Variants in SLC25A31 observed in about 807,000 individuals in gnomAD.
SLC25A31 encodes ADP/ATP translocase 4.
In SLC25A31, 40 loss-of-function variants were observed where a neutral mutation model predicts 36.2. The ratio of observed to expected loss-of-function variants is 1.10; its 90% CI spans 0.86 to 1.44. The LOEUF is 1.44. SLC25A31 is among the 40% of genes most tolerant of loss of function. SLC25A31 has a pLI of 0.00. For missense variants in SLC25A31, 350 were observed against 397.1 expected (o/e 0.88, Z 1.01); for synonymous variants, 143 against 149.7 (o/e 0.96, Z 0.32).
At chr4:127,771,528 A>G (rs541307335) in intron 5 of SLC25A31, among the ~76,000 whole-genome samples, 2 of 152,220 alleles carry the variant, frequency 1.3e-5, no homozygotes, top group Non-Finnish European at 2.9e-5. Flanking sequence ...TATTTACATG[A>G]ACAGGCATAT....
At chr4:127,731,428 C>T (rs908906154) in intron 1 of SLC25A31, among the ~76,000 whole-genome samples, 6 of 151,886 alleles carry the variant, frequency 4.0e-5, no homozygotes, top group African/African-American at 1.5e-4. Context: ...TAAGGCCAGG[C>T]GCGGTGGCTC....
At chr4:127,757,348 C>T (rs1352937492) in intron 2 of SLC25A31, among the ~76,000 whole-genome samples, 1 of 152,108 alleles carries the variant, frequency 6.6e-6, no homozygotes, top group African/African-American at 2.4e-5. Flanking sequence ...CACACGTACC[C>T]TCTGTTTAGT....
At chr4:127,743,847 G>C (rs1044960416) in intron 1 of SLC25A31, among the ~76,000 whole-genome samples, 2 of 152,040 alleles carry the variant, frequency 1.3e-5, no homozygotes, top group African/African-American at 4.8e-5. Flanking sequence ...ATTTTCTTTT[G>C]AATCTTTATT....
chr4:127,735,382 A>G (rs978392216), intron 1 of SLC25A31, among the ~76,000 whole-genome samples: 2 of 152,200 alleles, frequency 1.3e-5, no homozygotes, highest in African/African-American at 2.4e-5. Flanking sequence ...ACTTTGCTCT[A>G]ATATCATCTA....
At chr4:127,752,231 A>G (rs28874976) in intron 2 of SLC25A31, among the ~76,000 whole-genome samples, 6,070 of 152,244 alleles carry the variant, frequency 0.04, 422 homozygotes, top group African/African-American at 0.14. Flanking sequence ...ATGGAATACT[A>G]TGCAGCCATA....
At chr4:127,750,635 C>T (rs183263222) in intron 2 of SLC25A31, among the ~76,000 whole-genome samples, 9 of 151,802 alleles carry the variant, frequency 5.9e-5, no homozygotes, top group Admixed American at 4.6e-4. Context: ...GAGAAGTAAA[C>T]GTGTAGAGTT....
intron 2 of SLC25A31, among the ~76,000 whole-genome samples, chr4:127,760,576 G>T (rs1732108182): frequency 6.6e-6 from 1 of 152,196 alleles, no homozygotes. Flanking sequence ...TCCTTGTCCA[G>T]ACAAGTTGTT....
Position 127,770,892 on chromosome 4 carries a change from A to G in SLC25A31, c.759+2015A>G, listed in dbSNP as rs139437654. ...CTCTGAAGACCTCTCTCCTTGTCTT[A>G]TAAATGGCTGTCTTCTTCCTGTGTT... On this transcript the variant is annotated intron_variant, in intron 5 of 5. Transcript: ENST00000281154. Among the ~76,000 whole-genome samples the G allele has an allele frequency of 5.3e-4, 79 of 150,206 alleles. No homozygotes were observed. In the East Asian group the frequency reaches 0.014, roughly 27 times the overall value.
At position 127,735,522 on chromosome 4, in the gene SLC25A31, C is replaced by G. The variant is rs1203217644; in HGVS notation, c.232+4745C>G. On this transcript the variant is annotated intron_variant, in intron 1 of 5. Coordinates refer to ENST00000281154, the MANE Select transcript of SLC25A31 (RefSeq NM_031291.4). ...TATTTGCTACCTGTCTCCCTGGTCC[C>G]TCCCTCTTAAGATGTAAGCTCCATA... 2.0e-5 allele frequency among the ~76,000 whole-genome samples: 3 copies of G among 152,030 alleles called. No homozygotes were observed. In the East Asian group the frequency reaches 5.8e-4, roughly 29 times the overall value.
At chr4:127,741,737 T>A (rs1313959975) in intron 1 of SLC25A31, among the ~76,000 whole-genome samples, 1 of 152,202 alleles carries the variant, frequency 6.6e-6, no homozygotes, top group Admixed American at 6.5e-5. Context: ...GTAAAATGAA[T>A]TTAGTAGAAT....
intron 1 of SLC25A31, among the ~76,000 whole-genome samples, chr4:127,735,354 C>A (rs996546460): frequency 6.6e-6 from 1 of 152,154 alleles, no homozygotes; most frequent in Admixed American, 6.5e-5. Flanking sequence ...TGTTTTTCAT[C>A]TTTTAAATAA....
At chr4:127,740,749 G>A (rs1479978676) in intron 1 of SLC25A31, among the ~76,000 whole-genome samples, 1 of 152,148 alleles carries the variant, frequency 6.6e-6, no homozygotes, top group African/African-American at 2.4e-5. Context: ...CAAAGGAAGG[G>A]TGGGGTGACT....
intron 5 of SLC25A31, among the ~76,000 whole-genome samples, chr4:127,772,681 A>T (rs934588857): frequency 6.6e-6 from 1 of 152,080 alleles, no homozygotes; most frequent in Non-Finnish European, 1.5e-5. Flanking sequence ...TCGAAGCTGC[A>T]TCTTAAAAAT....
chr4:127,731,443 C>T (rs997544275), intron 1 of SLC25A31, among the ~76,000 whole-genome samples: 1 of 152,070 alleles, frequency 6.6e-6, no homozygotes, highest in African/African-American at 2.4e-5. Context: ...TGGCTCACGC[C>T]TATAATCCTA....
At chr4:127,761,472 G>A (rs992259218) in intron 2 of SLC25A31, among the ~76,000 whole-genome samples, 2 of 152,130 alleles carry the variant, frequency 1.3e-5, no homozygotes, top group African/African-American at 4.8e-5. Context: ...TTGAATTTCA[G>A]CCACAGGCAC....
At chr4:127,770,624 CA>C (rs929840345) in intron 5 of SLC25A31, among the ~76,000 whole-genome samples, 72 of 129,902 alleles carry the variant, frequency 5.5e-4, no homozygotes, top group African/African-American at 4.7e-4. Flanking sequence ...GACTCTGTCT[CA>C]AAAAAAAAAA....
intron 2 of SLC25A31, among the ~76,000 whole-genome samples, chr4:127,759,068 G>A (rs995562235): frequency 6.6e-6 from 1 of 152,094 alleles, no homozygotes; most frequent in Non-Finnish European, 1.5e-5. Context: ...GGGCAGTATG[G>A]TCATTTTAAT....
At chr4:127,771,658 G>C (rs779910380) in intron 5 of SLC25A31, among the ~76,000 whole-genome samples, 1 of 152,074 alleles carries the variant, frequency 6.6e-6, no homozygotes. Context: ...TTACAAAGTA[G>C]TAACTGGCAA....
At chr4:127,759,200 T>C (rs1732083712) in intron 2 of SLC25A31, among the ~76,000 whole-genome samples, 1 of 151,634 alleles carries the variant, frequency 6.6e-6, no homozygotes, top group African/African-American at 2.4e-5. Flanking sequence ...CTTGGTGAAA[T>C]GTATTCCTAT....
Sources: allele counts gnomAD v4.1 joint callset (sites outside exome capture counted in the v4.1 genomes callset), GRCh38; gene constraint gnomAD v4.1.1; transcripts MANE v1.5; gene names NCBI Gene and HGNC (gene_info 2026-07-23, HGNC 2026-07-21).